The following HIPK3 variants were observed in gnomAD, a reference collection of about 807,000 sequenced individuals.
HIPK3 encodes homeodomain-interacting protein kinase 3.
A neutral mutation model predicts 124.2 loss-of-function variants in HIPK3; 47 were observed. The observed-to-expected ratio is 0.38, with a 90% CI of 0.30 to 0.48. The LOEUF is 0.48. HIPK3 is among the 20% of genes least tolerant of loss of function. The pLI, the probability that HIPK3 is intolerant of heterozygous loss-of-function variation, is 0.98. For missense variants in HIPK3, 1,286 were observed against 1,454.3 expected (o/e 0.88, Z 1.88); for synonymous variants, 482 against 515.2 (o/e 0.94, Z 0.87).
At chr11:33,272,730 T>TG (rs1851160886) in intron 1 of HIPK3, among the ~76,000 whole-genome samples, 1 of 61,118 alleles carries the variant, frequency 1.6e-5, no homozygotes, top group South Asian at 5.5e-4. Context: ...TGAAGTGCAG[T>TG]GGTGCAATCT....
chr11:33,323,082 C>T (rs1417168739), intron 2 of HIPK3, among the ~76,000 whole-genome samples: 1 of 151,906 alleles, frequency 6.6e-6, no homozygotes, highest in East Asian at 1.9e-4. Flanking sequence ...GTCCATTACC[C>T]GATGAATGGA....
chr11:33,281,887 A>G (rs1192393303), intron 1 of HIPK3, among the ~76,000 whole-genome samples: 1 of 152,164 alleles, frequency 6.6e-6, no homozygotes, highest in Admixed American at 6.5e-5. Flanking sequence ...GTTGCTTTAC[A>G]CAGTGCTGCA....
chr11:33,271,349 A>C (rs971831895), intron 1 of HIPK3, among the ~76,000 whole-genome samples: 3 of 152,160 alleles, frequency 2.0e-5, no homozygotes, highest in African/African-American at 7.2e-5. Flanking sequence ...CAAGGTGGGC[A>C]CATTGCTTGA....
intron 3 of HIPK3, among the ~76,000 whole-genome samples, chr11:33,334,087 A>G (rs1293736582): frequency 6.6e-6 from 1 of 152,198 alleles, no homozygotes; most frequent in East Asian, 1.9e-4. Flanking sequence ...TGTAATGTGG[A>G]AGTTTTCGTT....
chr11:33,257,409 G>C lies in HIPK3; in HGVS notation c.-483G>C, dbSNP rs554704316. The C allele has an allele frequency of 6.0e-5, 59 of 985,192 alleles. No individual in the cohort carries two copies. The Admixed American group carries it at 3.0e-3, about 50-fold the overall frequency. The allele number at this position is 985,192 out of a possible 1,614,324, so 61.0% of individuals were successfully genotyped here. On this transcript the variant is annotated 5_prime_UTR_variant, in exon 1 of 17. Transcript: ENST00000303296. ...GGCAGCTGCCTCAGTGACGACTGCC[G>C]GCATCGCGGCGACCTGAGGAGATCA...
At chr11:33,260,840 C>T (rs550715293) in intron 1 of HIPK3, among the ~76,000 whole-genome samples, 56 of 152,092 alleles carry the variant, frequency 3.7e-4, no homozygotes, top group African/African-American at 1.3e-3. Flanking sequence ...AATAAATATT[C>T]GTGTTGTAGC....
At position 33,287,034 on chromosome 11, in the gene HIPK3, C is replaced by T. The variant is rs376339186; in HGVS notation, c.620C>T (p.Thr207Met). Residue 207 changes from threonine (T) to methionine (M), a missense_variant, in exon 2 of 17, where the codon ACG becomes ATG. Thr to Met is a moderately conservative substitution (Grantham distance 81, BLOSUM62 -1). Coordinates refer to ENST00000303296, the MANE Select transcript of HIPK3 (RefSeq NM_005734.5). ...GTCCTTGATTTTCTTGGTCGAGGCA[C>T]GTTTGGCCAGGTAGTTAAATGCTGG... Reference protein sequence around the residue: ...YEVLDFLGRGTFGQVVKCWKR... With the variant: ...YEVLDFLGRGMFGQVVKCWKR... 1.9e-5 allele frequency: 30 copies of T among 1,613,978 alleles called. No individual in the cohort carries two copies. Among genetic ancestry groups the T allele is most frequent in the Non-Finnish European group, 1.9e-5 (22 of 1,180,042 alleles).
chr11:33,347,377 T>G lies in HIPK3; in HGVS notation c.1982T>G (p.Val661Gly), dbSNP rs762837344. Residue 661 changes from valine to glycine, a missense_variant, in exon 9 of 17, where the codon GTG becomes GGG. Val to Gly is a moderately radical substitution (Grantham distance 109). Coordinates refer to ENST00000303296, the MANE Select transcript of HIPK3 (RefSeq NM_005734.5). ...CCACTTGTAACTCAGGCCCCAGCTG[T>G]GCAGCCACTACAGATCCGACCAGGA... is the stretch of plus-strand genomic sequence containing the variant. ...TVPLVTQAPA[V>G]QPLQIRPGVL... is the part of the protein sequence containing the mutation. 1 of 1,614,118 alleles carries G rather than the reference T, an allele frequency of 6.2e-7. No homozygotes were observed. Among genetic ancestry groups the G allele is most frequent in the Non-Finnish European group, 8.5e-7 (1 of 1,179,988 alleles).
chr11:33,301,821 G>C lies in HIPK3; in HGVS notation c.1097+14310G>C, dbSNP rs866249399. On this transcript the variant is annotated intron_variant, in intron 2 of 16. Transcript: ENST00000303296. Reference sequence around the variant, plus strand: ...TGGGCAACAGAGTGAAACCCTGTCTGACACACACACACACACACACACACA... The same window carrying C: ...TGGGCAACAGAGTGAAACCCTGTCTCACACACACACACACACACACACACA... Among the ~76,000 whole-genome samples, 34 of 127,540 alleles carry C rather than the reference G, an allele frequency of 2.7e-4. No individual in the cohort carries two copies. In the East Asian group the frequency reaches 4.4e-3, roughly 16 times the overall value. 83.7% of individuals were successfully genotyped at this position (127,540 alleles called of 152,430 possible).
intron 2 of HIPK3, among the ~76,000 whole-genome samples, chr11:33,291,544 T>G (rs1851698473): frequency 6.6e-6 from 1 of 152,190 alleles, no homozygotes; most frequent in Non-Finnish European, 1.5e-5. Flanking sequence ...CTTGCAGTGA[T>G]ACAAGCCAGA....
intron 1 of HIPK3, among the ~76,000 whole-genome samples, chr11:33,271,313 A>C (rs1383473736): frequency 6.6e-6 from 1 of 152,162 alleles, no homozygotes; most frequent in African/African-American, 2.4e-5. Flanking sequence ...GTGACTCACG[A>C]CTGTAATCTC....
At position 33,335,161 on chromosome 11, in the gene HIPK3, G is replaced by T. The variant is rs926428237; in HGVS notation, c.1222-1914G>T. On this transcript the variant is annotated intron_variant, in intron 3 of 16. Coordinates refer to ENST00000303296, the MANE Select transcript of HIPK3 (RefSeq NM_005734.5). The stretch of plus-strand genomic sequence containing the variant: ...GGCAAATCAGTTTAGGATATATTCA[G>T]TTGGAGATATAGAGTCCAGCCAGGT... Among the ~76,000 whole-genome samples the T allele has an allele frequency of 3.3e-5, 5 of 152,152 alleles. No individual in the cohort carries two copies. The East Asian group carries it at 9.6e-4, about 29-fold the overall frequency.
intron 1 of HIPK3, among the ~76,000 whole-genome samples, chr11:33,270,863 A>G (rs1397560145): frequency 2.0e-5 from 3 of 152,186 alleles, no homozygotes; most frequent in Non-Finnish European, 2.9e-5. Context: ...GTTATCATGT[A>G]TTTTAATTTT....
At chr11:33,343,287 G>GTGTGTC (rs1206214583) in intron 8 of HIPK3, among the ~76,000 whole-genome samples, 70 of 142,494 alleles carry the variant, frequency 4.9e-4, no homozygotes, top group African/African-American at 1.6e-3. Context: ...GTGTGTGTGT[G>GTGTGTC]TGTCTTTTTT....
At chr11:33,281,855 T>C (rs1851421163) in intron 1 of HIPK3, among the ~76,000 whole-genome samples, 1 of 152,206 alleles carries the variant, frequency 6.6e-6, no homozygotes, top group African/African-American at 2.4e-5. Context: ...TTGATGGATA[T>C]GTAGGTTATT....
chr11:33,285,804 C>G (rs1851533302), intron 1 of HIPK3, among the ~76,000 whole-genome samples: 1 of 151,822 alleles, frequency 6.6e-6, no homozygotes, highest in African/African-American at 2.4e-5. Flanking sequence ...CAGAGTCTTG[C>G]TCTGTCTCAC....
intron 1 of HIPK3, among the ~76,000 whole-genome samples, chr11:33,273,813 T>G (rs2133881190): frequency 6.6e-6 from 1 of 152,302 alleles, no homozygotes; most frequent in South Asian, 2.1e-4. Context: ...ATACTCAAGC[T>G]TATGCAGCTG....
chr11:33,333,067 T>C (rs266482), intron 3 of HIPK3, among the ~76,000 whole-genome samples: 3,696 of 152,226 alleles, frequency 0.024, 75 homozygotes, highest in African/African-American at 0.052. Flanking sequence ...TATCGGCCCC[T>C]ATTACCCAAA....
At chr11:33,326,491 T>G (rs1037199372) in intron 2 of HIPK3, among the ~76,000 whole-genome samples, 1 of 152,144 alleles carries the variant, frequency 6.6e-6, no homozygotes, top group Non-Finnish European at 1.5e-5. Flanking sequence ...GTTTCAAAGG[T>G]CTATTCTATA....
Sources: gnomAD v4.1 joint callset for allele counts (sites outside exome capture counted in the v4.1 genomes callset) on GRCh38, gnomAD v4.1.1 for gene constraint, MANE v1.5 for transcripts, NCBI Gene and HGNC (gene_info 2026-07-23, HGNC 2026-07-21) for gene names.